OR2T6: variants seen among roughly 807,000 people sequenced by gnomAD.
The protein encoded by OR2T6 is olfactory receptor family 2 subfamily T member 6, also known as olfactory receptor 2T6.
For synonymous variants in OR2T6, 174 were observed against 148.0 expected, an observed-to-expected ratio of 1.18 and a Z score of -1.27; for missense variants, 424 against 391.6, an observed-to-expected ratio of 1.08 and a Z score of -0.70.
At chr1:248,386,411 A>G (rs138170071) in intron 2 of OR2T6, among the ~76,000 whole-genome samples, 1 of 152,314 alleles carries the variant, frequency 6.6e-6, no homozygotes, top group East Asian at 1.9e-4. Context: ...TGAAATGAGG[A>G]GGACATTAGG....
At chr1:248,381,817 G>A (rs1415320231) in intron 1 of OR2T6, among the ~76,000 whole-genome samples, 1 of 150,092 alleles carries the variant, frequency 6.7e-6, no homozygotes, top group Non-Finnish European at 1.5e-5. Flanking sequence ...TCTTAATTTT[G>A]TTTCATCTAC....
intron 1 of OR2T6, among the ~76,000 whole-genome samples, chr1:248,378,926 A>G (rs1362610383): frequency 6.6e-6 from 1 of 152,158 alleles, no homozygotes; most frequent in Non-Finnish European, 1.5e-5. Flanking sequence ...TAATCCCAAT[A>G]CTTTGGGAGA....
intron 1 of OR2T6, among the ~76,000 whole-genome samples, chr1:248,379,273 T>C (rs1334998610): frequency 6.6e-6 from 1 of 152,336 alleles, no homozygotes; most frequent in East Asian, 1.9e-4. Context: ...TTGACATTGT[T>C]ATTAAAACCA....
At position 248,388,389 on chromosome 1, in the gene OR2T6, C is replaced by A; in HGVS notation, c.781C>A (p.Leu261Ile). The change falls in exon 3 of 3, where the codon CTT becomes ATT. Residue 261 changes from leucine (L) to isoleucine (I), a missense_variant. Leu to Ile is a conservative substitution (Grantham distance 5). Transcript: ENST00000641644. ...TGGGGCTGCCTTGTATACGTATACG[C>A]TTCCCCAATCTTACCACACCCCAAT... ...FYGAALYTYT[L>I]PQSYHTPIKD... The A allele has an allele frequency of 1.2e-6, 2 of 1,613,622 alleles. No individual in the cohort carries two copies. Among genetic ancestry groups the A allele is most frequent in the Non-Finnish European group, 8.5e-7 (1 of 1,179,726 alleles).
At chr1:248,379,870 T>G (rs1661002856) in intron 1 of OR2T6, among the ~76,000 whole-genome samples, 1 of 152,098 alleles carries the variant, frequency 6.6e-6, no homozygotes, top group South Asian at 2.1e-4. Context: ...TTTTTTTGAT[T>G]TATTTTTATC....
chr1:248,388,671 T>A lies in OR2T6; in HGVS notation c.*136T>A, dbSNP rs28636980. ...TTTCAATACCAGCTGTGCTAAATGG[T>A]GTATCAACAGTACCCCCATCAAAAA... On this transcript the variant is annotated 3_prime_UTR_variant, in exon 3 of 3. Transcript: ENST00000641644. 9,575 of 607,600 alleles carry A rather than the reference T, an allele frequency of 0.016. 682 individuals carry two copies. Among genetic ancestry groups the A allele is most frequent in the African/African-American group, 0.16 (8,480 of 54,548 alleles). The allele number at this position is 607,600 out of a possible 1,614,324, so 37.6% of individuals were successfully genotyped here.
In OR2T6 at chr1:248,381,176, A is replaced by AT. The variant is rs1243221806; in HGVS notation, c.-158-3534dup. Among the ~76,000 whole-genome samples, 186 of 152,130 alleles carry AT rather than the reference A, an allele frequency of 1.2e-3. 4 individuals are homozygous for AT. Among genetic ancestry groups the AT allele is most frequent in the Middle Eastern group, 0.01 (3 of 294 alleles). ...GACACCCAAACACACATGTACACACATACAAACATTCTTTTAACTCATTTT... is the reference window on the plus strand; with the variant it reads ...GACACCCAAACACACATGTACACACATTACAAACATTCTTTTAACTCATTTT... On this transcript the variant is annotated intron_variant, in intron 1 of 2. Transcript: ENST00000641644.
rs963990655 is a variant in OR2T6 at position 248,391,574 on chromosome 1, GA to G, written c.*3046del. ...TGCTACATGGTACTATGTATTTGTG[GA>G]AAAAAACATACAACTCTGGAACAGA... On this transcript the variant is annotated 3_prime_UTR_variant, in exon 3 of 3. Transcript: ENST00000641644. The G allele has an allele frequency of 6.6e-6, 1 of 151,966 alleles. No homozygotes were observed. The highest frequency in any genetic ancestry group is 2.4e-5 in the African/African-American group (1 of 41,368). The allele number at this position is 151,966 out of a possible 1,614,324, so 9.4% of individuals were successfully genotyped here. A position where few individuals can be genotyped will look rare whatever the true frequency, so the allele number is the denominator to read the frequency against.
intron 1 of OR2T6, among the ~76,000 whole-genome samples, chr1:248,377,823 C>T (rs76599773): frequency 0.017 from 2,639 of 152,196 alleles, 75 homozygotes; most frequent in African/African-American, 0.059. Flanking sequence ...TGCCTTTGGG[C>T]GCATTTTTTT....
chr1:248,382,536 C>CTT (rs1553310854), intron 1 of OR2T6, among the ~76,000 whole-genome samples: 11 of 60,522 alleles, frequency 1.8e-4, no homozygotes, highest in East Asian at 5.8e-4. Context: ...TTCTTTCTTT[C>CTT]TTTTTTTTTT....
chr1:248,379,041 G>T (rs1293391629), intron 1 of OR2T6, among the ~76,000 whole-genome samples: 1 of 152,050 alleles, frequency 6.6e-6, no homozygotes, highest in East Asian at 1.9e-4. Flanking sequence ...TGGATATGGT[G>T]GTCTGTGCCT....
rs1489506807 is a variant in OR2T6 at position 248,389,649 on chromosome 1, CT to C, written c.*1115del. Reference sequence around the variant, plus strand: ...ACATAGAGTTCCCAAGGGGGCAACTCTCCTTAGTACTTTTCATTCACTTGGT... The same window carrying C: ...ACATAGAGTTCCCAAGGGGGCAACTCCCTTAGTACTTTTCATTCACTTGGT... On this transcript the variant is annotated 3_prime_UTR_variant, in exon 3 of 3. Coordinates refer to ENST00000641644, the MANE Select transcript of OR2T6 (RefSeq NM_001005471.2). The C allele has an allele frequency of 1.3e-5, 2 of 152,228 alleles. No homozygotes were observed. The highest frequency in any genetic ancestry group is 2.9e-5 in the Non-Finnish European group (2 of 68,048). 9.4% of individuals were successfully genotyped at this position (152,228 alleles called of 1,614,324 possible).
rs1407085095 is a variant in OR2T6, at chr1:248,384,017, AC to A, written c.-158-693del. The stretch of plus-strand genomic sequence containing the variant: ...GTTATCATCATGGAGAAAGCACTGC[AC>A]TAGCCTGAGTGTGTTCATCCTATCC... On this transcript the variant is annotated intron_variant, in intron 1 of 2. Coordinates refer to ENST00000641644, the MANE Select transcript of OR2T6 (RefSeq NM_001005471.2). 1.3e-4 allele frequency among the ~76,000 whole-genome samples: 7 copies of A among 53,988 alleles called. 2 individuals are homozygous for A. Among genetic ancestry groups the A allele is most frequent in the Non-Finnish European group, 2.0e-4 (6 of 30,002 alleles). The allele number at this position is 53,988 out of a possible 152,430, so 35.4% of individuals were successfully genotyped here.
chr1:248,388,356 T>C lies in OR2T6; in HGVS notation c.748T>C (p.Leu250=). The change falls in exon 3 of 3, where the codon TTG becomes CTG. Residue 250 remains leucine (L), a synonymous_variant. Transcript: ENST00000641644. ...CTCTTCACACATGATGGTGGTGACA[T>C]TGTTCTATGGGGCTGCCTTGTATAC... ...TCSSHMMVVT[L]FYGAALYTYT... is the part of the protein sequence containing the mutation. 1 of 1,613,434 alleles carries C rather than the reference T, an allele frequency of 6.2e-7. No individual in the cohort carries two copies. Among genetic ancestry groups the C allele is most frequent in the Non-Finnish European group, 8.5e-7 (1 of 1,179,628 alleles).
intron 1 of OR2T6, among the ~76,000 whole-genome samples, chr1:248,382,532 CTTTCTTT>C (rs747080885): frequency 0.11 from 12,897 of 117,250 alleles, 1,845 homozygotes; most frequent in African/African-American, 0.35. Context: ...ACCTTTCTTT[CTTTCTTT>C]TTTTTTTTTT....
In OR2T6 at chr1:248,390,944, A is replaced by G. The variant is rs1661240298; in HGVS notation, c.*2409A>G. The G allele has an allele frequency of 6.6e-6, 1 of 152,242 alleles. No individual in the cohort carries two copies. The allele number at this position is 152,242 out of a possible 1,614,324, so 9.4% of individuals were successfully genotyped here. On this transcript the variant is annotated 3_prime_UTR_variant, in exon 3 of 3. Coordinates refer to ENST00000641644, the MANE Select transcript of OR2T6 (RefSeq NM_001005471.2). ...AATGATGAATGTAATAAAACCTTATAAATGCTAGTCATTATTTCAGCTATT... is the reference window on the plus strand; with the variant it reads ...AATGATGAATGTAATAAAACCTTATGAATGCTAGTCATTATTTCAGCTATT...
intron 1 of OR2T6, among the ~76,000 whole-genome samples, chr1:248,381,085 T>A (rs1661021203): frequency 6.6e-6 from 1 of 152,078 alleles, no homozygotes; most frequent in African/African-American, 2.4e-5. Flanking sequence ...TTTCATCATA[T>A]GCTTCGCGTT....
rs1661241780 is a variant in OR2T6, at chr1:248,391,030, C to T, written c.*2495C>T. The T allele has an allele frequency of 1.3e-5, 2 of 152,166 alleles. No homozygotes were observed. Among genetic ancestry groups the T allele is most frequent in the African/African-American group, 4.8e-5 (2 of 41,436 alleles). 9.4% of individuals were successfully genotyped at this position (152,166 alleles called of 1,614,324 possible). A position where few individuals can be genotyped will look rare whatever the true frequency, so the allele number is the denominator to read the frequency against. ...TACAATTTCTTTCATTTCTATCGAT[C>T]CGTTACAGACAAAAGCACACTCTCT... On this transcript the variant is annotated 3_prime_UTR_variant, in exon 3 of 3. Transcript: ENST00000641644.
chr1:248,380,751 A>G (rs1220438409), intron 1 of OR2T6, among the ~76,000 whole-genome samples: 2 of 150,466 alleles, frequency 1.3e-5, no homozygotes, highest in Non-Finnish European at 3.0e-5. Flanking sequence ...ATGTGAACCT[A>G]TTATTATGAT....
Sources: gnomAD v4.1 joint callset for allele counts (sites outside exome capture counted in the v4.1 genomes callset) on GRCh38, gnomAD v4.1.1 for gene constraint, MANE v1.5 for transcripts, NCBI Gene and HGNC (gene_info 2026-07-23, HGNC 2026-07-21) for gene names.